The following GREB1 variants were observed in gnomAD, a reference collection of about 807,000 sequenced individuals.
The protein encoded by GREB1 is protein GREB1.
A neutral mutation model predicts 200.7 loss-of-function variants in GREB1; 106 were observed. That is an observed-to-expected ratio of 0.53 (90% CI 0.45 to 0.62). The LOEUF (loss-of-function observed/expected upper bound fraction) is 0.62. Among genes scored for constraint, GREB1 ranks in the 20% least tolerant of loss-of-function variants. The probability of loss-of-function intolerance (pLI) is 0.00; values close to 1 mark genes in which losing one functional copy is unlikely to be tolerated. For synonymous variants in GREB1, 1,132 were observed against 1,092.4 expected, an observed-to-expected ratio of 1.04 and a Z score of -0.72; for missense variants, 2,243 against 2,556.8, an observed-to-expected ratio of 0.88 and a Z score of 2.65.
Position 11,597,845 on chromosome 2 carries a change from C to T in GREB1, c.2019C>T (p.Ser673=). Residue 673 remains serine (S), a synonymous_variant, in exon 14 of 33, where the codon TCC becomes TCT. Coordinates refer to ENST00000381486, the MANE Select transcript of GREB1 (RefSeq NM_014668.4). This position sits in a 1 kb window ranked among gnomAD's most constrained non-coding sequence, Gnocchi z 4.1. ...TGGCAGTAGCGCAGAAGCTCCTCTC[C>T]CATGTGTGTTCCATTGCGGATTCCA... ...FQLAVAQKLL[S]HVCSIADSST... is the part of the protein sequence containing the mutation. The T allele has an allele frequency of 6.2e-7, 1 of 1,614,186 alleles. No individual in the cohort carries two copies. Among genetic ancestry groups the T allele is most frequent in the Non-Finnish European group, 8.5e-7 (1 of 1,180,024 alleles).
At chr2:11,610,003 T>C (rs892541272) in intron 17 of GREB1, among the ~76,000 whole-genome samples, 2 of 152,196 alleles carry the variant, frequency 1.3e-5, no homozygotes, top group Non-Finnish European at 2.9e-5. Flanking sequence ...GGCTTTTCCA[T>C]TGGTGCCCTG....
In GREB1 at chr2:11,638,819, G is replaced by A; in HGVS notation, c.5686+10G>A. 1.2e-6 allele frequency: 2 copies of A among 1,613,730 alleles called. No individual in the cohort carries two copies. Among genetic ancestry groups the A allele is most frequent in the Non-Finnish European group, 1.7e-6 (2 of 1,179,852 alleles). On this transcript the variant is annotated intron_variant, in intron 32 of 32. Transcript: ENST00000381486. ...TTTCATTTTCTGAAAGGTAACTTTT[G>A]TACTCTTAACTCTGCACCTTGTCTT...
chr2:11,533,688 A>C (rs933839673), upstream of GREB1, among the ~76,000 whole-genome samples: 1 of 152,252 alleles, frequency 6.6e-6, no homozygotes, highest in African/African-American at 2.4e-5. Context: ...GAGAAAGGCA[A>C]GCCGGTGATG....
chr2:11,538,686 T>TTTCC (rs1572614638), intron 1 of GREB1, among the ~76,000 whole-genome samples: 4 of 38,666 alleles, frequency 1.0e-4, no homozygotes, highest in Admixed American at 8.8e-4. Flanking sequence ...TCTTTCTTTC[T>TTTCC]TTCCTTCCTC....
intron 24 of GREB1, among the ~76,000 whole-genome samples, chr2:11,626,628 C>A (rs926171463): frequency 1.3e-5 from 2 of 152,162 alleles, no homozygotes; most frequent in Non-Finnish European, 1.5e-5. Flanking sequence ...GGCAGTTCAT[C>A]TGCATTCAGA....
At chr2:11,614,964 T>A in intron 19 of GREB1, 127 bp from the exon 20 acceptor site, 1 of 704,468 alleles carries the variant, frequency 1.4e-6, no homozygotes, top group Non-Finnish European at 2.6e-6. Context: ...CTTTTCCACT[T>A]GTACGAGTCC....
chr2:11,614,054 G>A (rs1456340082), intron 19 of GREB1, among the ~76,000 whole-genome samples: 1 of 151,930 alleles, frequency 6.6e-6, no homozygotes. Flanking sequence ...TAGTACCCTG[G>A]CCTGTGTTCA....
At chr2:11,619,023 T>C (rs912676995) in intron 22 of GREB1, 104 bp downstream of exon 22, 3 of 1,124,810 alleles carry the variant, frequency 2.7e-6, no homozygotes, top group African/African-American at 1.6e-5. Flanking sequence ...TCTTCACTTT[T>C]CACCCTTCCC....
At chr2:11,626,742 G>C (rs1684491522) in intron 24 of GREB1, among the ~76,000 whole-genome samples, 1 of 152,204 alleles carries the variant, frequency 6.6e-6, no homozygotes, top group South Asian at 2.1e-4. Flanking sequence ...GATATGGACA[G>C]TGCCTTAATT....
chr2:11,563,536 G>A (rs1254737082), intron 3 of GREB1, among the ~76,000 whole-genome samples: 1 of 152,224 alleles, frequency 6.6e-6, no homozygotes, highest in Non-Finnish European at 1.5e-5. Flanking sequence ...TCAGTCAAGT[G>A]GGGAGGCCAG....
Position 11,633,186 on chromosome 2 carries a change from G to A in GREB1, c.4991+123G>A, listed in dbSNP as rs1292956375. Reference sequence around the variant, plus strand: ...CGGAGGGCCTCTCATAGTAGAAGGGGTGGTTGTGGTTGTGGTTCCCAGAGT... The same window carrying A: ...CGGAGGGCCTCTCATAGTAGAAGGGATGGTTGTGGTTGTGGTTCCCAGAGT... On this transcript the variant is annotated intron_variant, in intron 28 of 32. Coordinates refer to ENST00000381486, the MANE Select transcript of GREB1 (RefSeq NM_014668.4). The surrounding 1 kb of genome is among the most constrained non-coding windows in gnomAD (Gnocchi z 4.1). 2.0e-5 allele frequency: 17 copies of A among 844,060 alleles called. No individual in the cohort carries two copies. The highest frequency in any genetic ancestry group is 3.0e-5 in the Non-Finnish European group (16 of 526,154). The allele number at this position is 844,060 out of a possible 1,614,324, so 52.3% of individuals were successfully genotyped here.
intron 10 of GREB1, chr2:11,591,864 G>T: frequency 4.5e-6 from 1 of 223,514 alleles, no homozygotes; most frequent in Non-Finnish European, 7.6e-6. Context: ...TCTTTATGTT[G>T]GCTGAAAATG....
rs1336924204 is a variant in GREB1 at position 11,556,681 on chromosome 2, G to T, written c.67G>T (p.Glu23Ter). ...TGAAGAGGTCTTGCACAATTCCATC[G>T]AGGCATCCCTGCGGTCCAACAACCT... Reference protein sequence around the residue: ...RFEEVLHNSIEASLRSNNLVP... With the variant: ...RFEEVLHNSI The change falls in exon 2 of 33, where the codon GAG becomes TAG. Residue 23 changes from glutamate to a stop codon, truncating the protein, a stop_gained. Coordinates refer to ENST00000381486, the MANE Select transcript of GREB1 (RefSeq NM_014668.4). LOFTEE classifies it high-confidence loss of function. 1 of 1,613,814 alleles carries T rather than the reference G, an allele frequency of 6.2e-7. No individual in the cohort carries two copies. Among genetic ancestry groups the T allele is most frequent in the Non-Finnish European group, 8.5e-7 (1 of 1,179,840 alleles).
Position 11,600,991 on chromosome 2 carries a change from G to A in GREB1, c.2525G>A (p.Ser842Asn). Residue 842 changes from serine to asparagine, a missense_variant, in exon 16 of 33, where the codon AGT becomes AAT. This residue lies in a region of GREB1 where 1,178 missense variants were observed against 1,387.4 expected (regional missense o/e 0.85). Transcript: ENST00000381486. The stretch of plus-strand genomic sequence containing the variant: ...GAGATCCACTGGCCTGCCTCCTGCA[G>A]TAATGTGAGTGCCACGGGGCTGCTG... ...YNEIHWPASC[S>N]NGVDLYHENK... 6.2e-7 allele frequency: 1 copy of A among 1,607,700 alleles called. No homozygotes were observed. Among genetic ancestry groups the A allele is most frequent in the South Asian group, 1.1e-5 (1 of 90,912 alleles).
chr2:11,535,325 G>C (rs186318100), intron 1 of GREB1, among the ~76,000 whole-genome samples: 1 of 152,248 alleles, frequency 6.6e-6, no homozygotes, highest in Non-Finnish European at 1.5e-5. Context: ...TGAACCTCTA[G>C]TTAGCTAATG....
At chr2:11,532,148 A>C (rs535434684), upstream of GREB1, among the ~76,000 whole-genome samples, 1 of 152,338 alleles carries the variant, frequency 6.6e-6, no homozygotes, top group South Asian at 2.1e-4. Flanking sequence ...AGAGTTTAGC[A>C]AAGATCATAT....
rs374428423 is a variant in GREB1 at position 11,577,849 on chromosome 2, G to A, written c.638-448G>A. Among the ~76,000 whole-genome samples the A allele has an allele frequency of 7.2e-5, 11 of 152,318 alleles. No individual in the cohort carries two copies. The East Asian group carries it at 7.7e-4, about 11-fold the overall frequency. ...CCAGAGGCTGCAGTGGTTCTGCCCC[G>A]TGTGGGACCAGTTCACCGTCTTTGA... is the stretch of plus-strand genomic sequence containing the variant. On this transcript the variant is annotated intron_variant, in intron 5 of 32. Coordinates refer to ENST00000381486, the MANE Select transcript of GREB1 (RefSeq NM_014668.4).
rs1558510966 is a variant in GREB1 at position 11,538,683 on chromosome 2, TTCTTTCCTTCCTCCCTC to T, written c.-162+4430_-162+4446del. On this transcript the variant is annotated intron_variant, in intron 1 of 32. Transcript: ENST00000381486. ...TTTCTTTCTTTCTTTCTTTCTTTCT[TTCTTTCCTTCCTCCCTC>T]CCTCCCTCCCTTCCTCCCTCCCCCT... Among the ~76,000 whole-genome samples the T allele has an allele frequency of 5.3e-5, 5 of 93,764 alleles. 1 individual carries two copies. The highest frequency in any genetic ancestry group is 2.2e-4 in the African/African-American group (5 of 22,688). 61.5% of individuals were successfully genotyped at this position (93,764 alleles called of 152,430 possible). A position where few individuals can be genotyped will look rare whatever the true frequency, so the allele number is the denominator to read the frequency against.
rs74472542 is a variant in GREB1 at position 11,581,877 on chromosome 2, C to T, written c.901+1045C>T. 1.4e-3 allele frequency among the ~76,000 whole-genome samples: 216 copies of T among 152,306 alleles called. 1 individual carries two copies. In the East Asian group the frequency reaches 0.028, roughly 19 times the overall value. On this transcript the variant is annotated intron_variant, in intron 7 of 32. Coordinates refer to ENST00000381486, the MANE Select transcript of GREB1 (RefSeq NM_014668.4). The stretch of plus-strand genomic sequence containing the variant: ...CCCTGGTGAAAATCTTGTGAATTGT[C>T]TAACTCTTCACTGAAGGGGCAAAGG...
Sources: gnomAD v4.1 joint callset for allele counts (sites outside exome capture counted in the v4.1 genomes callset) on GRCh38, gnomAD v4.1.1 for gene constraint, gnomAD v4.1.1 regional missense constraint, Gnocchi (gnomAD v3.1) non-coding constraint, MANE v1.5 for transcripts, NCBI Gene and HGNC (gene_info 2026-07-23, HGNC 2026-07-21) for gene names.